The following FRAS1 variants were observed in gnomAD, a reference collection of about 807,000 sequenced individuals.
FRAS1 encodes the protein extracellular matrix organizing protein FRAS1.
In FRAS1, 290 loss-of-function variants were observed where a neutral mutation model predicts 435.2. That is an observed-to-expected ratio of 0.67 (90% CI 0.61 to 0.73). The LOEUF is 0.73. FRAS1 is among the 30% of genes least tolerant of loss of function. The pLI is 0.00. For missense variants in FRAS1, 4,860 were observed against 5,001.5 expected, an observed-to-expected ratio of 0.97 and a Z score of 0.85; for synonymous variants, 1,800 against 1,851.0, an observed-to-expected ratio of 0.97 and a Z score of 0.71.
intron 22 of FRAS1, among the ~76,000 whole-genome samples, chr4:78,366,476 C>T (rs951461533): frequency 1.6e-4 from 24 of 152,202 alleles, no homozygotes; most frequent in Non-Finnish European, 2.6e-4. Flanking sequence ...TTCATTCACA[C>T]AATTACTGTC....
At chr4:78,396,187 T>C (rs775177030) in intron 29 of FRAS1, among the ~76,000 whole-genome samples, 15 of 152,188 alleles carry the variant, frequency 9.9e-5, no homozygotes, top group African/African-American at 1.4e-4. Context: ...TTTTATATCA[T>C]GTATTCATTT....
At chr4:78,100,769 A>G (rs72860623) in intron 2 of FRAS1, among the ~76,000 whole-genome samples, 9,430 of 152,208 alleles carry the variant, frequency 0.062, 792 homozygotes, top group African/African-American at 0.19. Context: ...TGTGTATTAT[A>G]TATATATAGC....
At chr4:78,091,063 T>C (rs905169059) in intron 2 of FRAS1, among the ~76,000 whole-genome samples, 3 of 152,188 alleles carry the variant, frequency 2.0e-5, no homozygotes, top group Non-Finnish European at 4.4e-5. Flanking sequence ...GGAGGCCGTT[T>C]GGCTGTCTGG....
At position 78,482,425 on chromosome 4, in the gene FRAS1, C is replaced by T. The variant is rs779660887; in HGVS notation, c.8642C>T (p.Pro2881Leu). 24 of 1,613,636 alleles carry T rather than the reference C, an allele frequency of 1.5e-5. No homozygotes were observed. Among genetic ancestry groups the T allele is most frequent in the African/African-American group, 4.0e-5 (3 of 74,842 alleles). ...ACTATCTTGGATGACACTCAGTATC[C>T]GGTAATTGAAGGACTGGAGACATTT... ...TLTILDDTQY[P>L]VIEGLETFVV... The change falls in exon 58 of 74, where the codon CCG (proline) becomes CTG (leucine). Residue 2881 changes from proline to leucine, a missense_variant. By Grantham distance (98) the Pro-to-Leu change is moderately conservative (BLOSUM62 -3). Coordinates refer to ENST00000512123, the MANE Select transcript of FRAS1 (RefSeq NM_025074.7).
intron 2 of FRAS1, among the ~76,000 whole-genome samples, chr4:78,182,565 T>G (rs1283523629): frequency 6.6e-6 from 1 of 152,110 alleles, no homozygotes. Flanking sequence ...TCTGAGATAC[T>G]TGAGGAAATC....
intron 29 of FRAS1, 136 bp from the exon 30 acceptor site, chr4:78,400,598 G>A: frequency 5.4e-6 from 4 of 743,004 alleles, no homozygotes; most frequent in Non-Finnish European, 8.6e-6. Flanking sequence ...AGTCTATAGA[G>A]TGACTCTGAA....
intron 2 of FRAS1, among the ~76,000 whole-genome samples, chr4:78,168,389 GT>G (rs1721419195): frequency 6.6e-6 from 1 of 151,358 alleles, no homozygotes; most frequent in Non-Finnish European, 1.5e-5. Context: ...GTTTTTTTTT[GT>G]TTTTTGTTTT....
intron 15 of FRAS1, among the ~76,000 whole-genome samples, chr4:78,309,212 G>A (rs1187763145): frequency 6.6e-6 from 1 of 152,146 alleles, no homozygotes; most frequent in Non-Finnish European, 1.5e-5. Flanking sequence ...TCCAGGCAAG[G>A]AACAGATTCT....
chr4:78,489,563 A>G (rs767464143), intron 59 of FRAS1, among the ~76,000 whole-genome samples: 1 of 152,136 alleles, frequency 6.6e-6, no homozygotes, highest in Non-Finnish European at 1.5e-5. Context: ...TGCAGTTTGA[A>G]CCTGTGTCAT....
chr4:78,147,359 C>T (rs1413035121), intron 2 of FRAS1, among the ~76,000 whole-genome samples: 1 of 152,044 alleles, frequency 6.6e-6, no homozygotes, highest in Admixed American at 6.6e-5. Flanking sequence ...GGTCATCTTC[C>T]CTAATGAAAT....
At chr4:78,079,005 C>G (rs1394057077) in intron 2 of FRAS1, among the ~76,000 whole-genome samples, 2 of 152,098 alleles carry the variant, frequency 1.3e-5, no homozygotes, top group Non-Finnish European at 2.9e-5. Context: ...TAAGAAGTTA[C>G]CTAAATGTCT....
In FRAS1 at chr4:78,193,927, G is replaced by A. The variant is rs1722673126; in HGVS notation, c.109-43583G>A. ...GCTGGTACTGGTTGTTCCTTTCCAT[G>A]TTTAGCGCTTCCTTCAGGAGCTCCT... On this transcript the variant is annotated intron_variant, in intron 2 of 73. Transcript: ENST00000512123. Among the ~76,000 whole-genome samples the A allele has an allele frequency of 1.3e-5, 2 of 152,196 alleles. 1 individual carries two copies. Among genetic ancestry groups the A allele is most frequent in the South Asian group, 4.1e-4 (2 of 4,834 alleles).
intron 58 of FRAS1, among the ~76,000 whole-genome samples, chr4:78,487,849 A>G (rs1334617512): frequency 1.3e-5 from 2 of 152,166 alleles, no homozygotes; most frequent in African/African-American, 4.8e-5. Context: ...AGTCTAAGTA[A>G]CTTGCCCTGT....
intron 72 of FRAS1, 95 bp downstream of exon 72, chr4:78,537,295 T>C: frequency 8.9e-7 from 1 of 1,129,676 alleles, no homozygotes; most frequent in Non-Finnish European, 1.3e-6. Context: ...AGCTCACTCT[T>C]GATATTTTCT....
intron 2 of FRAS1, among the ~76,000 whole-genome samples, chr4:78,141,608 G>A (rs1028835037): frequency 2.0e-5 from 3 of 152,166 alleles, no homozygotes; most frequent in Admixed American, 6.6e-5. Context: ...ACTGAGCATA[G>A]CTTTTAGTAC....
intron 2 of FRAS1, among the ~76,000 whole-genome samples, chr4:78,173,934 T>C (rs1721657658): frequency 6.6e-6 from 1 of 152,238 alleles, no homozygotes; most frequent in Non-Finnish European, 1.5e-5. Context: ...TAATATTTCT[T>C]ACTAATGCTT....
At chr4:78,535,595 C>A (rs1472968361) in intron 71 of FRAS1, among the ~76,000 whole-genome samples, 1 of 152,158 alleles carries the variant, frequency 6.6e-6, no homozygotes, top group East Asian at 1.9e-4. Context: ...TCCTACGTCC[C>A]ATCTATCATT....
rs575660918 is a variant in FRAS1 at position 78,250,200 on chromosome 4, A to G, written c.310-2192A>G. Among the ~76,000 whole-genome samples the G allele has an allele frequency of 1.4e-4, 21 of 152,286 alleles. No individual in the cohort carries two copies. The South Asian group carries it at 4.4e-3, about 32-fold the overall frequency. On this transcript the variant is annotated intron_variant, in intron 4 of 73. Coordinates refer to ENST00000512123, the MANE Select transcript of FRAS1 (RefSeq NM_025074.7). ...AAAAGAGAAAAGTATACAAGCAGAA[A>G]AAATATCACTAGTAATCCGAATACT...
chr4:78,101,280 T>A (rs1367837326), intron 2 of FRAS1, among the ~76,000 whole-genome samples: 1 of 152,194 alleles, frequency 6.6e-6, no homozygotes, highest in Admixed American at 6.5e-5. Flanking sequence ...TTGGTGGCAG[T>A]CTTCGGATTA....
Sources: allele counts gnomAD v4.1 joint callset (sites outside exome capture counted in the v4.1 genomes callset), GRCh38; gene constraint gnomAD v4.1.1; transcripts MANE v1.5; gene names NCBI Gene and HGNC (gene_info 2026-07-23, HGNC 2026-07-21).